The following CACNA2D3 variants were observed in gnomAD, a reference collection of about 807,000 sequenced individuals.
CACNA2D3 encodes the protein calcium voltage-gated channel auxiliary subunit alpha2delta 3.
A neutral mutation model predicts 160.6 loss-of-function variants in CACNA2D3; 60 were observed. That is an observed-to-expected ratio of 0.37 (90% CI 0.30 to 0.46). CACNA2D3 has a LOEUF of 0.46. Ranked by LOEUF, CACNA2D3 falls within the 20% of genes least tolerant of loss-of-function variation. CACNA2D3 has a pLI of 1.00. For synonymous variants in CACNA2D3, 558 were observed against 492.9 expected (o/e 1.13, Z -1.75); for missense variants, 1,205 against 1,365.0 (o/e 0.88, Z 1.85).
chr3:54,195,761 A>G (rs992837185), intron 2 of CACNA2D3, among the ~76,000 whole-genome samples: 1 of 152,150 alleles, frequency 6.6e-6, no homozygotes, highest in East Asian at 1.9e-4. Context: ...TTGGTGTTTA[A>G]TGTCCAGGCT....
At chr3:54,322,843 G>T (rs1704034244) in intron 3 of CACNA2D3, among the ~76,000 whole-genome samples, 1 of 152,042 alleles carries the variant, frequency 6.6e-6, no homozygotes. Flanking sequence ...GATTTGGTAT[G>T]GTGGGTGTAG....
At chr3:54,185,812 AGAT>A (rs1481811526) in intron 2 of CACNA2D3, among the ~76,000 whole-genome samples, 1 of 152,232 alleles carries the variant, frequency 6.6e-6, no homozygotes, top group African/African-American at 2.4e-5. Flanking sequence ...ATCCTGTGTT[AGAT>A]CTGATGACCT....
intron 2 of CACNA2D3, among the ~76,000 whole-genome samples, chr3:54,304,464 C>T (rs1703552200): frequency 6.6e-6 from 1 of 152,068 alleles, no homozygotes; most frequent in Non-Finnish European, 1.5e-5. Context: ...TATAGGATGA[C>T]CTCACTTTGA....
intron 35 of CACNA2D3, among the ~76,000 whole-genome samples, chr3:55,051,526 T>C (rs568260420): frequency 6.6e-6 from 1 of 151,998 alleles, no homozygotes; most frequent in South Asian, 2.1e-4. Context: ...GACAGGGACA[T>C]TTAAGTCTGC....
chr3:54,586,859 GAAAGACAGC>G (rs550030697), intron 9 of CACNA2D3, among the ~76,000 whole-genome samples: 164 of 151,898 alleles, frequency 1.1e-3, no homozygotes, highest in African/African-American at 3.5e-3. Context: ...ATTCATAACA[GAAAGACAGC>G]AGAAAAATCC....
chr3:54,809,383 A>T (rs1575488077), intron 13 of CACNA2D3, among the ~76,000 whole-genome samples: 1 of 125,416 alleles, frequency 8.0e-6, no homozygotes. Flanking sequence ...CAGTGGCGCA[A>T]TCTCGGCTCA....
intron 3 of CACNA2D3, among the ~76,000 whole-genome samples, chr3:54,338,183 G>T (rs1218187847): frequency 6.6e-6 from 1 of 152,226 alleles, no homozygotes. Context: ...AATCACTGGC[G>T]CACAAAGGCG....
At chr3:54,821,205 G>GGC (rs1320254696) in intron 14 of CACNA2D3, among the ~76,000 whole-genome samples, 2 of 152,134 alleles carry the variant, frequency 1.3e-5, no homozygotes, top group Non-Finnish European at 2.9e-5. Flanking sequence ...ATTCTGAGTA[G>GGC]GCATAAGCAT....
chr3:54,208,547 C>T (rs1026260216), intron 2 of CACNA2D3, among the ~76,000 whole-genome samples: 7 of 152,186 alleles, frequency 4.6e-5, no homozygotes, highest in African/African-American at 1.7e-4. Context: ...GGAGAGCCTG[C>T]AGTTCTGACT....
intron 35 of CACNA2D3, among the ~76,000 whole-genome samples, chr3:55,072,979 T>TA (rs1345674687): frequency 4.6e-5 from 7 of 152,226 alleles, no homozygotes; most frequent in Non-Finnish European, 1.0e-4. Context: ...AGGAAGGCTC[T>TA]AAGAAGTTCA....
intron 2 of CACNA2D3, among the ~76,000 whole-genome samples, chr3:54,228,619 C>T (rs1577012488): frequency 1.3e-5 from 2 of 152,336 alleles, no homozygotes; most frequent in East Asian, 3.9e-4. Context: ...AGTCAGAACC[C>T]TGAGAACAAG....
chr3:54,178,104 T>A (rs1262904478), intron 2 of CACNA2D3, among the ~76,000 whole-genome samples: 3 of 152,122 alleles, frequency 2.0e-5, no homozygotes, highest in Non-Finnish European at 4.4e-5. Context: ...TGTAAAGTAG[T>A]AAGCTGGAGA....
intron 11 of CACNA2D3, among the ~76,000 whole-genome samples, chr3:54,727,688 A>C (rs1259212033): frequency 6.6e-6 from 1 of 152,184 alleles, no homozygotes; most frequent in African/African-American, 2.4e-5. Flanking sequence ...GTTCTCACTC[A>C]TAAGTGGGAG....
At chr3:54,518,124 T>A (rs1370360487) in intron 5 of CACNA2D3, among the ~76,000 whole-genome samples, 1 of 152,068 alleles carries the variant, frequency 6.6e-6, no homozygotes, top group Non-Finnish European at 1.5e-5. Context: ...GGGCTGGGGA[T>A]GGGGGTGGAA....
At position 54,598,307 on chromosome 3, in the gene CACNA2D3, C is replaced by CAAAAAAAAAAAA. The variant is rs10656534; in HGVS notation, c.963+16444_963+16455dup. ...TGGGCAACAGCGAGACTCCGTCTCACAAAAAAAAAAAAAAAAAAAAAAAAA... is the reference window on the plus strand; with the variant it reads ...TGGGCAACAGCGAGACTCCGTCTCACAAAAAAAAAAAAAAAAAAAAAAAAAAAAAAAAAAAAA... On this transcript the variant is annotated intron_variant, in intron 9 of 37. Coordinates refer to ENST00000474759, the MANE Select transcript of CACNA2D3 (RefSeq NM_018398.3). 8.8e-4 allele frequency among the ~76,000 whole-genome samples: 44 copies of CAAAAAAAAAAAA among 49,744 alleles called. 4 individuals are homozygous for CAAAAAAAAAAAA. Among genetic ancestry groups the CAAAAAAAAAAAA allele is most frequent in the Non-Finnish European group, 1.0e-3 (30 of 29,632 alleles). 32.6% of individuals were successfully genotyped at this position (49,744 alleles called of 152,430 possible).
intron 3 of CACNA2D3, among the ~76,000 whole-genome samples, chr3:54,337,966 C>T (rs1382318989): frequency 6.6e-6 from 1 of 152,176 alleles, no homozygotes; most frequent in Non-Finnish European, 1.5e-5. Context: ...CACTTGCATC[C>T]AAAACGTTTG....
At chr3:54,677,857 A>G (rs764329435) in intron 11 of CACNA2D3, among the ~76,000 whole-genome samples, 19 of 152,118 alleles carry the variant, frequency 1.2e-4, no homozygotes, top group Non-Finnish European at 2.4e-4. Flanking sequence ...AGTCTTAAAA[A>G]TAGATACTCA....
Position 54,122,907 on chromosome 3 carries a change from C to T in CACNA2D3, c.122+72C>T, listed in dbSNP as rs547815208. 6.7e-4 allele frequency: 792 copies of T among 1,177,532 alleles called. 3 individuals are homozygous for T. The African/African-American group carries it at 0.012, about 17-fold the overall frequency. 72.9% of individuals were successfully genotyped at this position (1,177,532 alleles called of 1,614,324 possible). A position where few individuals can be genotyped will look rare whatever the true frequency, so the allele number is the denominator to read the frequency against. ...GCGACCCACTGTGCCCAAGTTTGGG[C>T]GCCTGCAGGTGCGGCTGGGCAGGAC... On this transcript the variant is annotated intron_variant, in intron 1 of 37. Transcript: ENST00000474759.
At chr3:54,792,713 C>A (rs1702786088) in intron 13 of CACNA2D3, among the ~76,000 whole-genome samples, 1 of 152,120 alleles carries the variant, frequency 6.6e-6, no homozygotes, top group South Asian at 2.1e-4. Context: ...CCAGCTAAAG[C>A]CCTGGTGCCC....
Sources: gnomAD v4.1 joint callset for allele counts (sites outside exome capture counted in the v4.1 genomes callset) on GRCh38, gnomAD v4.1.1 for gene constraint, MANE v1.5 for transcripts, NCBI Gene and HGNC (gene_info 2026-07-23, HGNC 2026-07-21) for gene names.